The following ELN variants were observed in gnomAD, a reference collection of about 807,000 sequenced individuals.
The protein encoded by ELN is elastin.
A neutral mutation model predicts 105.8 loss-of-function variants in ELN; 65 were observed. The observed-to-expected ratio is 0.61, with a 90% CI of 0.50 to 0.75. The LOEUF is 0.75. Ranked by LOEUF, ELN falls within the 30% of genes least tolerant of loss-of-function variation. The pLI is 0.00. For missense variants in ELN, 882 were observed against 969.4 expected (o/e 0.91, Z 1.20); for synonymous variants, 368 against 389.2 (o/e 0.95, Z 0.64).
At chr7:74,050,636 TTCA>T (rs1554675509) in intron 15 of ELN, among the ~76,000 whole-genome samples, 13 of 152,142 alleles carry the variant, frequency 8.5e-5, no homozygotes, top group Non-Finnish European at 1.5e-4. Context: ...CATTCATTCA[TTCA>T]TTCTTTCCTC....
chr7:74,041,395 A>C, intron 5 of ELN, 144 bp downstream of exon 5: 7 of 1,034,472 alleles, frequency 6.8e-6, no homozygotes, highest in Non-Finnish European at 1.0e-5. Context: ...GCTGATACCA[A>C]CTGCCCCAAG....
Position 74,069,050 on chromosome 7 carries a change from T to C in ELN, c.*350T>C, listed in dbSNP as rs1584080716. 2.4e-6 allele frequency: 1 copy of C among 420,372 alleles called. No individual in the cohort carries two copies. The highest frequency in any genetic ancestry group is 4.4e-6 in the Non-Finnish European group (1 of 224,970). 26.0% of individuals were successfully genotyped at this position (420,372 alleles called of 1,614,324 possible). A position where few individuals can be genotyped will look rare whatever the true frequency, so the allele number is the denominator to read the frequency against. On this transcript the variant is annotated 3_prime_UTR_variant, in exon 33 of 33. Transcript: ENST00000252034. Reference sequence around the variant, plus strand: ...CCTGGGGGGAGGGAGGAGGGAAGGGTGGCCCCTCGGGGAACCCCCTACCTG... The same window carrying C: ...CCTGGGGGGAGGGAGGAGGGAAGGGCGGCCCCTCGGGGAACCCCCTACCTG...
At chr7:74,031,448 T>A (rs1554662195) in intron 1 of ELN, among the ~76,000 whole-genome samples, 1 of 152,220 alleles carries the variant, frequency 6.6e-6, no homozygotes, top group Non-Finnish European at 1.5e-5. Context: ...TAAGGTTTAA[T>A]ACTCCCTCTC....
At chr7:74,037,043 A>G (rs1790127696) in intron 3 of ELN, among the ~76,000 whole-genome samples, 3 of 151,186 alleles carry the variant, frequency 2.0e-5, no homozygotes, top group African/African-American at 7.3e-5. Context: ...CTGGTCTCGA[A>G]CTCCCAACTT....
rs186140972 is a variant in ELN, at chr7:74,049,331, C to T, written c.799+775C>T. ...CCATCCATTCTTCCATCCATCAATC[C>T]CTCCCTCCATCCATTCTTCCATCCA... On this transcript the variant is annotated intron_variant, in intron 15 of 32. Transcript: ENST00000252034. 3.3e-3 allele frequency among the ~76,000 whole-genome samples: 498 copies of T among 150,550 alleles called. 1 individual carries two copies. The highest frequency in any genetic ancestry group is 0.014 in the Middle Eastern group (4 of 290).
chr7:74,048,618 A>T (rs1793135295), intron 15 of ELN, 62 bp downstream of exon 15: 1 of 1,602,590 alleles, frequency 6.2e-7, no homozygotes. Context: ...CATTCCCATT[A>T]CTATTGACAG....
chr7:74,045,178 T>C lies in ELN; in HGVS notation c.470-44T>C, dbSNP rs1792176328. The C allele has an allele frequency of 4.3e-6, 7 of 1,611,696 alleles. No individual in the cohort carries two copies. In the East Asian group the frequency reaches 1.6e-4, roughly 36 times the overall value. On this transcript the variant is annotated intron_variant, in intron 9 of 32. Coordinates refer to ENST00000252034, the MANE Select transcript of ELN (RefSeq NM_000501.4). ...GAGGGGAGGGGTTCCCAGCAGGGCC[T>C]GCAAGGCCTGCCTTCCTACACTCAC...
chr7:74,051,097 T>C (rs1389319235), intron 15 of ELN, among the ~76,000 whole-genome samples: 5 of 151,790 alleles, frequency 3.3e-5, no homozygotes, highest in African/African-American at 1.2e-4. Flanking sequence ...GTGGGTGGAG[T>C]GGGCATCTGT....
intron 5 of ELN, 93 bp downstream of exon 5, chr7:74,041,344 G>T (rs1554668421): frequency 2.6e-6 from 4 of 1,526,866 alleles, no homozygotes; most frequent in African/African-American, 2.7e-5. Flanking sequence ...TGGAACAAGG[G>T]TGCAGGCCAG....
At chr7:74,037,871 G>A (rs532743888) in intron 4 of ELN, 132 bp downstream of exon 4, 2 of 1,358,154 alleles carry the variant, frequency 1.5e-6, no homozygotes, top group East Asian at 2.5e-5. Context: ...AAGGAGGGAG[G>A]TGTGGACACC....
At chr7:74,057,811 A>AC (rs2132146603) in intron 22 of ELN, 115 bp downstream of exon 22, 1 of 1,231,288 alleles carries the variant, frequency 8.1e-7, no homozygotes, top group Non-Finnish European at 1.2e-6. Context: ...AAGCTGTCAC[A>AC]TTCTGGGGTG....
chr7:74,057,373 C>T, intron 21 of ELN: 1 of 1,491,178 alleles, frequency 6.7e-7, no homozygotes, highest in Non-Finnish European at 8.9e-7. Context: ...AAGTTCTCCA[C>T]TCCCCGAGGT....
intron 20 of ELN, 33 bp downstream of exon 20, chr7:74,056,468 G>C (rs1554679920): frequency 6.2e-7 from 1 of 1,612,930 alleles, no homozygotes; most frequent in Non-Finnish European, 8.5e-7. Flanking sequence ...GACATGGGTT[G>C]AGAAGGGATG....
chr7:74,035,033 G>A (rs1019563185), intron 1 of ELN, among the ~76,000 whole-genome samples: 3 of 150,658 alleles, frequency 2.0e-5, no homozygotes, highest in East Asian at 2.0e-4. Context: ...CCAGGCAGAC[G>A]GAGGTTGCAG....
intron 1 of ELN, among the ~76,000 whole-genome samples, chr7:74,034,029 G>A (rs572621064): frequency 1.6e-4 from 25 of 152,298 alleles, no homozygotes; most frequent in African/African-American, 5.5e-4. Context: ...GACTGAACTC[G>A]TGATCCTGTC....
chr7:74,061,082 A>G lies in ELN; in HGVS notation c.1748-19A>G. The G allele has an allele frequency of 6.2e-7, 1 of 1,614,058 alleles. No individual in the cohort carries two copies. The highest frequency in any genetic ancestry group is 8.5e-7 in the Non-Finnish European group (1 of 1,180,022). ...AGAGCTCGGCTCCTGACCACTCCCC[A>G]ACTTTTCTTTCTCCCCAGTACCTGG... On this transcript the variant is annotated intron_variant, in intron 25 of 32. Transcript: ENST00000252034.
chr7:74,068,788 G>A lies in ELN; in HGVS notation c.*88G>A, dbSNP rs1798544166. 2.0e-6 allele frequency: 3 copies of A among 1,529,586 alleles called. No individual in the cohort carries two copies. The highest frequency in any genetic ancestry group is 2.7e-5 in the African/African-American group (2 of 73,210). The allele number at this position is 1,529,586 out of a possible 1,614,324, so 94.8% of individuals were successfully genotyped here. On this transcript the variant is annotated 3_prime_UTR_variant, in exon 33 of 33. Transcript: ENST00000252034. ...TAAACCCTTTGTAACCCCATCCCATGCCCCTCCGACTCCCCACCCCAGGAG... is the reference window on the plus strand; with the variant it reads ...TAAACCCTTTGTAACCCCATCCCATACCCCTCCGACTCCCCACCCCAGGAG...
intron 12 of ELN, 66 bp from the exon 13 acceptor site, chr7:74,047,609 A>C (rs1554673260): frequency 6.2e-7 from 1 of 1,606,150 alleles, no homozygotes; most frequent in Non-Finnish European, 8.5e-7. Context: ...AGATCTGTCC[A>C]CCCAGGTTGG....
chr7:74,066,891 C>G (rs1798078055), intron 32 of ELN, 115 bp downstream of exon 32: 1 of 1,145,544 alleles, frequency 8.7e-7, no homozygotes, highest in Non-Finnish European at 1.3e-6. Context: ...GGGTGGACCC[C>G]ACAGCCTCAG....
Sources: allele counts gnomAD v4.1 joint callset (sites outside exome capture counted in the v4.1 genomes callset), GRCh38; gene constraint gnomAD v4.1.1; transcripts MANE v1.5; gene names NCBI Gene and HGNC (gene_info 2026-07-23, HGNC 2026-07-21).